The following KCTD8 variants were observed in gnomAD, a reference collection of about 807,000 sequenced individuals.
KCTD8 encodes potassium channel tetramerization domain containing 8, also known as BTB/POZ domain-containing protein KCTD8.
KCTD8 carries 27 observed loss-of-function variants against 31.5 expected under a neutral mutation model. The observed-to-expected ratio is 0.86, with a 90% CI of 0.63 to 1.18. The LOEUF (loss-of-function observed/expected upper bound fraction) is 1.18, where lower values mean the gene tolerates loss of function less well. Ranked by LOEUF, KCTD8 falls within the 50% of genes most tolerant of loss-of-function variation. The pLI is 0.00. For missense variants in KCTD8, 658 were observed against 647.7 expected (o/e 1.02, Z -0.17); for synonymous variants, 290 against 280.0 (o/e 1.04, Z -0.36).
intron 1 of KCTD8, among the ~76,000 whole-genome samples, chr4:44,386,635 C>T (rs556330785): frequency 4.0e-5 from 6 of 151,582 alleles, no homozygotes; most frequent in Non-Finnish European, 5.9e-5. Context: ...AGAACCCTCA[C>T]ACACTGTTGG....
chr4:44,437,040 T>G (rs892642897), intron 1 of KCTD8, among the ~76,000 whole-genome samples: 2 of 147,062 alleles, frequency 1.4e-5, no homozygotes, highest in Non-Finnish European at 3.0e-5. Context: ...TGTCCAGAAG[T>G]GCACAATGAT....
At chr4:44,403,730 A>T (rs1720720128) in intron 1 of KCTD8, among the ~76,000 whole-genome samples, 1 of 152,166 alleles carries the variant, frequency 6.6e-6, no homozygotes, top group African/African-American at 2.4e-5. Flanking sequence ...ATCTCCAAAC[A>T]GTCATATTCT....
At chr4:44,196,755 G>A (rs916974367) in intron 1 of KCTD8, among the ~76,000 whole-genome samples, 2 of 152,116 alleles carry the variant, frequency 1.3e-5, no homozygotes, top group African/African-American at 4.8e-5. Flanking sequence ...GTGAAATCTT[G>A]GGAACGAGAG....
Position 44,181,860 on chromosome 4 carries a change from C to T in KCTD8, c.962-6610G>A, listed in dbSNP as rs189983471. ...TGTGGGGAGCGCCTCTGCCCGGCCG[C>T]GACCCCGTCTGGGATGTGAGGAGCC... On this transcript the variant is annotated intron_variant, in intron 1 of 1. Coordinates refer to ENST00000360029, the MANE Select transcript of KCTD8 (RefSeq NM_198353.3). 5.3e-3 allele frequency among the ~76,000 whole-genome samples: 795 copies of T among 151,110 alleles called. 6 individuals carry two copies. Among genetic ancestry groups the T allele is most frequent in the African/African-American group, 0.018 (750 of 41,126 alleles).
intron 1 of KCTD8, among the ~76,000 whole-genome samples, chr4:44,314,394 A>C (rs948818012): frequency 6.6e-6 from 1 of 152,204 alleles, no homozygotes; most frequent in Non-Finnish European, 1.5e-5. Context: ...TGTAGCTGAA[A>C]AATAAAGACA....
intron 1 of KCTD8, among the ~76,000 whole-genome samples, chr4:44,270,104 T>C (rs1716534305): frequency 6.6e-6 from 1 of 152,134 alleles, no homozygotes; most frequent in South Asian, 2.1e-4. Context: ...ATGTTTATTG[T>C]GGCACTATTC....
At chr4:44,358,932 G>A (rs1719427178) in intron 1 of KCTD8, among the ~76,000 whole-genome samples, 1 of 152,158 alleles carries the variant, frequency 6.6e-6, no homozygotes, top group African/African-American at 2.4e-5. Flanking sequence ...GTGATGATGA[G>A]CTTTTTTTCA....
At chr4:44,177,538 G>A (rs191703920) in intron 1 of KCTD8, among the ~76,000 whole-genome samples, 3 of 152,250 alleles carry the variant, frequency 2.0e-5, no homozygotes, top group Admixed American at 6.5e-5. Context: ...TTGAATCATG[G>A]GGTTGGGTCT....
chr4:44,349,792 A>G (rs796163814), intron 1 of KCTD8, among the ~76,000 whole-genome samples: 15 of 152,240 alleles, frequency 9.9e-5, no homozygotes, highest in African/African-American at 3.6e-4. Flanking sequence ...AAATCCTTCA[A>G]TACTACTTAA....
chr4:44,423,061 CG>C (rs888024964), intron 1 of KCTD8, among the ~76,000 whole-genome samples: 1 of 152,026 alleles, frequency 6.6e-6, no homozygotes, highest in African/African-American at 2.4e-5. Context: ...GTTTACCCCC[CG>C]GGGAACATCT....
chr4:44,224,934 GTCACAC>G (rs1714912289), intron 1 of KCTD8, among the ~76,000 whole-genome samples: 18 of 152,054 alleles, frequency 1.2e-4, no homozygotes, highest in Non-Finnish European at 1.5e-5. Flanking sequence ...AGCCAAGGAG[GTCACAC>G]TCATTGCTTC....
chr4:44,398,458 A>C (rs1450438607), intron 1 of KCTD8, among the ~76,000 whole-genome samples: 1 of 152,232 alleles, frequency 6.6e-6, no homozygotes, highest in Non-Finnish European at 1.5e-5. Context: ...TCTGAGTCAC[A>C]CAGTGACAAC....
chr4:44,268,944 T>C (rs1433372867), intron 1 of KCTD8, among the ~76,000 whole-genome samples: 1 of 152,188 alleles, frequency 6.6e-6, no homozygotes, highest in African/African-American at 2.4e-5. Flanking sequence ...AGAATCAATA[T>C]TGTGAAAACG....
chr4:44,324,238 G>T (rs958282367), intron 1 of KCTD8, among the ~76,000 whole-genome samples: 1 of 151,872 alleles, frequency 6.6e-6, no homozygotes, highest in Non-Finnish European at 1.5e-5. Flanking sequence ...TAAATATTCA[G>T]GTTGTTGACA....
At chr4:44,353,428 A>C (rs1156586898) in intron 1 of KCTD8, among the ~76,000 whole-genome samples, 2 of 152,060 alleles carry the variant, frequency 1.3e-5, no homozygotes, top group Non-Finnish European at 2.9e-5. Context: ...AAATTAGGGT[A>C]ATTAATGTAT....
chr4:44,240,420 C>A (rs1715423323), intron 1 of KCTD8, among the ~76,000 whole-genome samples: 1 of 152,218 alleles, frequency 6.6e-6, no homozygotes, highest in Admixed American at 6.5e-5. Flanking sequence ...TTCATCTTGT[C>A]TTGCTCTAGG....
Position 44,416,506 on chromosome 4 carries a change from G to A in KCTD8, c.961+31057C>T, listed in dbSNP as rs186626932. 6.3e-3 allele frequency among the ~76,000 whole-genome samples: 964 copies of A among 152,256 alleles called. 8 individuals are homozygous for A. The highest frequency in any genetic ancestry group is 0.024 in the South Asian group (117 of 4,824). On this transcript the variant is annotated intron_variant, in intron 1 of 1. Coordinates refer to ENST00000360029, the MANE Select transcript of KCTD8 (RefSeq NM_198353.3). The stretch of plus-strand genomic sequence containing the variant: ...AAATGTAATCCCCAATGTTGGAGGC[G>A]GGACCTAGTGGTAGGTATTTGATCA...
At chr4:44,211,726 T>C (rs1714490024) in intron 1 of KCTD8, among the ~76,000 whole-genome samples, 1 of 152,102 alleles carries the variant, frequency 6.6e-6, no homozygotes, top group South Asian at 2.1e-4. Flanking sequence ...CATTTTTTTT[T>C]AGATTGTCTT....
At chr4:44,316,847 C>T (rs925510136) in intron 1 of KCTD8, among the ~76,000 whole-genome samples, 2 of 143,854 alleles carry the variant, frequency 1.4e-5, no homozygotes, top group African/African-American at 2.5e-5. Context: ...GCTTGGTGGC[C>T]GGCGCCTGTA....
Sources: gnomAD v4.1 joint callset for allele counts (sites outside exome capture counted in the v4.1 genomes callset) on GRCh38, gnomAD v4.1.1 for gene constraint, MANE v1.5 for transcripts, NCBI Gene and HGNC (gene_info 2026-07-23, HGNC 2026-07-21) for gene names.